TRAP1: variants seen among roughly 807,000 people sequenced by gnomAD.
TRAP1 encodes the protein TNF receptor associated protein 1.
In TRAP1, 102 loss-of-function variants were observed where a neutral mutation model predicts 89.1. That is an observed-to-expected ratio of 1.15 (90% CI 0.98 to 1.35). The LOEUF (loss-of-function observed/expected upper bound fraction) is 1.35, where lower values mean the gene tolerates loss of function less well. Among genes scored for constraint, TRAP1 ranks in the 40% most tolerant of loss-of-function variants. The pLI, the probability that TRAP1 is intolerant of heterozygous loss-of-function variation, is 0.00. For missense variants in TRAP1, 1,256 were observed against 945.3 expected, an observed-to-expected ratio of 1.33 and a Z score of -4.31; for synonymous variants, 508 against 388.0, an observed-to-expected ratio of 1.31 and a Z score of -3.64.
At chr16:3,678,713 G>A (rs924860312) in intron 5 of TRAP1, among the ~76,000 whole-genome samples, 11 of 152,084 alleles carry the variant, frequency 7.2e-5, no homozygotes, top group East Asian at 1.9e-4. Context: ...CACCTGCCTC[G>A]GCCTCCCAAA....
chr16:3,712,269 CAGAA>C (rs1567249074), intron 1 of TRAP1, among the ~76,000 whole-genome samples: 2 of 67,814 alleles, frequency 2.9e-5, no homozygotes, highest in Non-Finnish European at 5.6e-5. Flanking sequence ...AGCCTGGCGA[CAGAA>C]AGAATCTGTC....
At chr16:3,706,346 T>C (rs932808171) in intron 1 of TRAP1, among the ~76,000 whole-genome samples, 4 of 151,980 alleles carry the variant, frequency 2.6e-5, no homozygotes, top group African/African-American at 9.7e-5. Flanking sequence ...ACAGGCACTG[T>C]CATGGTGCAT....
At chr16:3,669,802 C>T in intron 11 of TRAP1, among the ~76,000 whole-genome samples, 1 of 138,972 alleles carries the variant, frequency 7.2e-6, no homozygotes, top group East Asian at 2.1e-4. Context: ...CACTGCACTC[C>T]AGCCTGGGCA....
At chr16:3,674,528 T>C (rs930019784) in intron 8 of TRAP1, 34 bp from the exon 9 acceptor site, 18 of 1,608,014 alleles carry the variant, frequency 1.1e-5, no homozygotes, top group Non-Finnish European at 1.4e-5. Flanking sequence ...GGGCGTCGTG[T>C]TCACCACGCA....
At chr16:3,678,798 G>A (rs1318056154) in intron 5 of TRAP1, among the ~76,000 whole-genome samples, 3 of 152,192 alleles carry the variant, frequency 2.0e-5, no homozygotes, top group Non-Finnish European at 2.9e-5. Flanking sequence ...ACTGAAGTAA[G>A]TGCTTTGCCC....
rs780180961 is a variant in TRAP1 at position 3,717,467 on chromosome 16, G to A, written c.42C>T (p.Arg14=). 102 of 1,304,900 alleles carry A rather than the reference G, an allele frequency of 7.8e-5. 2 individuals are homozygous for A. In the South Asian group the frequency reaches 2.2e-3, roughly 29 times the overall value. 80.8% of individuals were successfully genotyped at this position (1,304,900 alleles called of 1,614,324 possible). A position where few individuals can be genotyped will look rare whatever the true frequency, so the allele number is the denominator to read the frequency against. Residue 14 remains arginine (R), a synonymous_variant, in exon 1 of 18, where the codon CGC becomes CGT. Coordinates refer to ENST00000246957, the MANE Select transcript of TRAP1 (RefSeq NM_016292.3). ...CCGGCGCCCGCAGCAAAGGCCGCAG[G>A]CGGCGGCCCCACAGCAGCAGCGCCC... ...ELRALLLWGR[R]LRPLLRAPAL...
Position 3,664,526 on chromosome 16 carries a change from G to C in TRAP1, c.1384-67C>G, listed in dbSNP as rs182494840. The C allele has an allele frequency of 1.3e-5, 20 of 1,507,254 alleles. No homozygotes were observed. The Admixed American group carries it at 4.7e-4, about 35-fold the overall frequency. The allele number at this position is 1,507,254 out of a possible 1,614,324, so 93.4% of individuals were successfully genotyped here. On this transcript the variant is annotated intron_variant, in intron 12 of 17. Coordinates refer to ENST00000246957, the MANE Select transcript of TRAP1 (RefSeq NM_016292.3). ...GGGCTCAATGTTGCCCAACTAACTG[G>C]GCGCAAACCCTCCGATGCCCATGGC...
chr16:3,674,119 C>G (rs2050954041), intron 9 of TRAP1, among the ~76,000 whole-genome samples: 1 of 152,164 alleles, frequency 6.6e-6, no homozygotes, highest in African/African-American at 2.4e-5. Flanking sequence ...TGGGGTCTCA[C>G]TATGTTGGCC....
intron 1 of TRAP1, among the ~76,000 whole-genome samples, chr16:3,708,817 AT>A (rs530522079): frequency 1.7e-3 from 230 of 136,030 alleles, no homozygotes; most frequent in East Asian, 2.3e-3. Context: ...CTCTGTCTCA[AT>A]TTTTTTTTTT....
At position 3,671,779 on chromosome 16, in the gene TRAP1, C is replaced by A; in HGVS notation, c.1178G>T (p.Ser393Ile). 2 of 1,612,848 alleles carry A rather than the reference C, an allele frequency of 1.2e-6. No homozygotes were observed. Among genetic ancestry groups the A allele is most frequent in the African/African-American group, 1.3e-5 (1 of 74,872 alleles). The change falls in exon 11 of 18, where the codon AGT becomes ATT. Residue 393 changes from serine (S) to isoleucine (I), a missense_variant. By Grantham distance (142) the Ser-to-Ile change is moderately radical. Coordinates refer to ENST00000246957, the MANE Select transcript of TRAP1 (RefSeq NM_016292.3). ...GCTGAGGTTCAGGGGAATGTCCTCA[C>A]TGTCCACCACACCTGGGAGACACGG... ...WLRFIRGVVDSEDIPLNLSRE... is the reference protein window; with the variant it reads ...WLRFIRGVVDIEDIPLNLSRE...
rs74860214 is a variant in TRAP1, at chr16:3,674,463, C to T, written c.920G>A (p.Arg307His). The T allele has an allele frequency of 2.7e-5, 44 of 1,614,048 alleles. No individual in the cohort carries two copies. In the African/African-American group the frequency reaches 4.9e-4, roughly 18 times the overall value. Reference sequence around the variant, plus strand: ...GTAGAACTCCTCATGTTGCCACTCACGGACATCCTTGGGGTCCATCATCCA... The same window carrying T: ...GTAGAACTCCTCATGTTGCCACTCATGGACATCCTTGGGGTCCATCATCCA... ...AIWMMDPKDV[R>H]EWQHEEFYRY... is the part of the protein sequence containing the mutation. The change falls in exon 9 of 18, where the codon CGT becomes CAT. Residue 307 changes from arginine to histidine, a missense_variant. Transcript: ENST00000246957.
intron 3 of TRAP1, 102 bp downstream of exon 3, chr16:3,688,953 T>G: frequency 9.2e-7 from 1 of 1,082,024 alleles, no homozygotes; most frequent in Non-Finnish European, 1.3e-6. Context: ...TAATGCTTTC[T>G]CACAGCTAAT....
intron 1 of TRAP1, among the ~76,000 whole-genome samples, chr16:3,715,934 C>A (rs1232791169): frequency 6.6e-6 from 1 of 152,218 alleles, no homozygotes; most frequent in African/African-American, 2.4e-5. Context: ...GCAATCTCAG[C>A]TCACTGCAAT....
chr16:3,712,388 C>A (rs567462099), intron 1 of TRAP1, among the ~76,000 whole-genome samples: 2 of 149,148 alleles, frequency 1.3e-5, no homozygotes, highest in East Asian at 4.0e-4. Flanking sequence ...TGGAACTCAC[C>A]TTTGTCACAT....
At chr16:3,667,524 C>G (rs1038143514) in intron 11 of TRAP1, among the ~76,000 whole-genome samples, 3 of 151,492 alleles carry the variant, frequency 2.0e-5, no homozygotes, top group African/African-American at 4.8e-5. Flanking sequence ...ACTTGAAAGG[C>G]TGAGGCAGGA....
chr16:3,705,375 A>C (rs1248362558), intron 1 of TRAP1, among the ~76,000 whole-genome samples: 6 of 151,774 alleles, frequency 4.0e-5, no homozygotes, highest in Admixed American at 3.9e-4. Context: ...GGACAACTAC[A>C]GAACATTTTT....
intron 9 of TRAP1, among the ~76,000 whole-genome samples, chr16:3,673,533 T>C (rs2050944149): frequency 6.6e-6 from 1 of 152,050 alleles, no homozygotes; most frequent in African/African-American, 2.4e-5. Context: ...CTGGTTAAAA[T>C]GTGGGGCGAC....
At position 3,664,307 on chromosome 16, in the gene TRAP1, G is replaced by C. The variant is rs201254344; in HGVS notation, c.1536C>G (p.Pro512=). Residue 512 remains proline, a synonymous_variant, in exon 13 of 18, where the codon CCC becomes CCG. Transcript: ENST00000246957. ...APNRHLAEHS[P]YYEAMKKKDT... Reference sequence around the variant, plus strand: ...CTTTCTTCTTCATGGCCTCATAGTAGGGTGAGTGCTCTGCCAGGTGACGGT... The same window carrying C: ...CTTTCTTCTTCATGGCCTCATAGTACGGTGAGTGCTCTGCCAGGTGACGGT... 1.9e-6 allele frequency: 3 copies of C among 1,609,144 alleles called. No homozygotes were observed. Among genetic ancestry groups the C allele is most frequent in the East Asian group, 2.2e-5 (1 of 44,808 alleles).
intron 11 of TRAP1, among the ~76,000 whole-genome samples, chr16:3,669,115 A>G (rs1298549884): frequency 6.6e-6 from 1 of 152,162 alleles, no homozygotes; most frequent in Non-Finnish European, 1.5e-5. Flanking sequence ...GGGATGGACA[A>G]GGTGGGGACA....
Sources: allele counts gnomAD v4.1 joint callset (sites outside exome capture counted in the v4.1 genomes callset), GRCh38; gene constraint gnomAD v4.1.1; transcripts MANE v1.5; gene names NCBI Gene and HGNC (gene_info 2026-07-23, HGNC 2026-07-21).